Variants in ETV6 observed in about 807,000 individuals in gnomAD.
ETV6 encodes the protein transcription factor ETV6.
In ETV6, 16 loss-of-function variants were observed where a neutral mutation model predicts 51.1. The observed-to-expected ratio is 0.31, with a 90% CI of 0.21 to 0.48. ETV6 has a LOEUF of 0.48. ETV6 is among the 20% of genes least tolerant of loss of function. The probability of loss-of-function intolerance (pLI) is 0.99; values close to 1 mark genes in which losing one functional copy is unlikely to be tolerated. For missense variants in ETV6, 458 were observed against 594.8 expected (o/e 0.77, Z 2.39); for synonymous variants, 240 against 224.1 (o/e 1.07, Z -0.64).
chr12:11,860,565 A>AG (rs1946701337), intron 4 of ETV6, among the ~76,000 whole-genome samples: 1 of 78,304 alleles, frequency 1.3e-5, no homozygotes, highest in Admixed American at 1.5e-4. Flanking sequence ...ACTCTGTCTC[A>AG]AAAAAAAAAA....
intron 4 of ETV6, among the ~76,000 whole-genome samples, chr12:11,859,376 C>T (rs895273507): frequency 6.6e-6 from 1 of 151,720 alleles, no homozygotes; most frequent in Non-Finnish European, 1.5e-5. Flanking sequence ...CTCCTGACCT[C>T]GTGATCCGCC....
chr12:11,894,370 G>T lies in ETV6; in HGVS notation c.*3324G>T, dbSNP rs1947358902. Reference sequence around the variant, plus strand: ...GCAGTCTCCTCTCTATCAGAAGAAAGCACTGGTAATTGGCTAGACTGGCTA... The same window carrying T: ...GCAGTCTCCTCTCTATCAGAAGAAATCACTGGTAATTGGCTAGACTGGCTA... On this transcript the variant is annotated 3_prime_UTR_variant, in exon 8 of 8. Coordinates refer to ENST00000396373, the MANE Select transcript of ETV6 (RefSeq NM_001987.5). 4.3e-6 allele frequency: 1 copy of T among 232,972 alleles called. No individual in the cohort carries two copies. Among genetic ancestry groups the T allele is most frequent in the South Asian group, 1.8e-4 (1 of 5,526 alleles). 14.4% of individuals were successfully genotyped at this position (232,972 alleles called of 1,614,324 possible).
At chr12:11,682,679 G>C in intron 1 of ETV6, among the ~76,000 whole-genome samples, 1 of 152,148 alleles carries the variant, frequency 6.6e-6, no homozygotes, top group East Asian at 1.9e-4. Flanking sequence ...TTTTCTTCAA[G>C]GGTTTTTATG....
chr12:11,678,014 C>T (rs940326853), intron 1 of ETV6, among the ~76,000 whole-genome samples: 3 of 152,184 alleles, frequency 2.0e-5, no homozygotes, highest in Admixed American at 2.0e-4. Flanking sequence ...TGTGCCAAAC[C>T]CTTTGGATGA....
At chr12:11,780,965 G>A (rs554889073) in intron 2 of ETV6, among the ~76,000 whole-genome samples, 53 of 152,258 alleles carry the variant, frequency 3.5e-4, no homozygotes, top group Non-Finnish European at 6.0e-4. Flanking sequence ...GAACAGCTTG[G>A]GTTTCCCCCT....
chr12:11,724,788 GGCTGTGAGGTCCTT>G (rs1359223887), intron 1 of ETV6, among the ~76,000 whole-genome samples: 2 of 152,200 alleles, frequency 1.3e-5, no homozygotes, highest in Non-Finnish European at 2.9e-5. Context: ...AGGCTTGTCT[GGCTGTGAGGTCCTT>G]GCACGAGACC....
At chr12:11,747,387 A>G (rs535001004) in intron 1 of ETV6, among the ~76,000 whole-genome samples, 5 of 152,302 alleles carry the variant, frequency 3.3e-5, no homozygotes, top group African/African-American at 9.6e-5. Flanking sequence ...TGTCTAAACC[A>G]TCTTCTGGTA....
chr12:11,808,014 C>T (rs1945854599), intron 2 of ETV6, among the ~76,000 whole-genome samples: 1 of 152,128 alleles, frequency 6.6e-6, no homozygotes, highest in African/African-American at 2.4e-5. Flanking sequence ...AATACATCCA[C>T]CCATAAATCA....
intron 1 of ETV6, among the ~76,000 whole-genome samples, chr12:11,723,495 TGAAAAA>T (rs1457018791): frequency 6.6e-6 from 1 of 152,166 alleles, no homozygotes; most frequent in Non-Finnish European, 1.5e-5. Flanking sequence ...CCATTCTAAA[TGAAAAA>T]GAAAATGTAC....
At chr12:11,878,177 A>G (rs572511106) in intron 5 of ETV6, among the ~76,000 whole-genome samples, 2 of 152,350 alleles carry the variant, frequency 1.3e-5, no homozygotes, top group East Asian at 3.9e-4. Flanking sequence ...TCACTCCAGC[A>G]GGAATATTCC....
intron 4 of ETV6, among the ~76,000 whole-genome samples, chr12:11,863,872 A>G (rs1350752438): frequency 1.3e-5 from 2 of 152,212 alleles, no homozygotes; most frequent in African/African-American, 2.4e-5. Flanking sequence ...CAAAGCTTGC[A>G]GGGTCTCATT....
At chr12:11,832,744 T>C (rs1052335279) in intron 2 of ETV6, among the ~76,000 whole-genome samples, 3 of 152,246 alleles carry the variant, frequency 2.0e-5, no homozygotes, top group African/African-American at 7.2e-5. Context: ...TTTCGTTGAA[T>C]TTCTGATGTT....
intron 5 of ETV6, among the ~76,000 whole-genome samples, chr12:11,872,860 G>C (rs570889527): frequency 7.2e-5 from 11 of 151,982 alleles, no homozygotes; most frequent in African/African-American, 2.7e-4. Context: ...CGGCCTCATC[G>C]GTTAGGAAGC....
intron 1 of ETV6, among the ~76,000 whole-genome samples, chr12:11,703,725 G>A (rs761327046): frequency 3.3e-5 from 5 of 152,242 alleles, no homozygotes; most frequent in Non-Finnish European, 7.3e-5. Context: ...ATTAGCAGAT[G>A]TGGAGTTTCC....
At chr12:11,783,525 T>C (rs1945440067) in intron 2 of ETV6, among the ~76,000 whole-genome samples, 1 of 151,844 alleles carries the variant, frequency 6.6e-6, no homozygotes, top group Non-Finnish European at 1.5e-5. Context: ...CAACAGCGGG[T>C]GAAGGGAGGT....
intron 2 of ETV6, among the ~76,000 whole-genome samples, chr12:11,762,526 A>G (rs1267552719): frequency 2.0e-5 from 3 of 152,200 alleles, no homozygotes; most frequent in African/African-American, 7.2e-5. Context: ...GCTCCGTAGC[A>G]CATGCACAAT....
intron 1 of ETV6, among the ~76,000 whole-genome samples, chr12:11,693,824 C>A (rs1864818626): frequency 6.6e-6 from 1 of 152,128 alleles, no homozygotes; most frequent in Admixed American, 6.5e-5. Context: ...TCCATCCCTG[C>A]CCATCTGTTC....
chr12:11,885,949 G>A lies in ETV6; in HGVS notation c.1176G>A (p.Glu392=). ...AGAACAGAACAAACATGACCTATGA[G>A]AAAATGTCCAGAGCCCTGCGCCACT... is the stretch of plus-strand genomic sequence containing the variant. ...NHKNRTNMTY[E]KMSRALRHYY... Residue 392 remains glutamate, a synonymous_variant, in exon 7 of 8, where the codon GAG becomes GAA. Coordinates refer to ENST00000396373, the MANE Select transcript of ETV6 (RefSeq NM_001987.5). The A allele has an allele frequency of 6.2e-7, 1 of 1,613,864 alleles. No individual in the cohort carries two copies. Among genetic ancestry groups the A allele is most frequent in the East Asian group, 2.2e-5 (1 of 44,884 alleles).
intron 4 of ETV6, among the ~76,000 whole-genome samples, chr12:11,868,420 G>GT (rs994553955): frequency 2.7e-5 from 4 of 146,732 alleles, no homozygotes; most frequent in Admixed American, 6.9e-5. Flanking sequence ...AAGGTTGGGG[G>GT]TTTTTTTCTT....
Sources: gnomAD v4.1 joint callset for allele counts (sites outside exome capture counted in the v4.1 genomes callset) on GRCh38, gnomAD v4.1.1 for gene constraint, MANE v1.5 for transcripts, NCBI Gene and HGNC (gene_info 2026-07-23, HGNC 2026-07-21) for gene names.